The following ASTN2 variants were observed in gnomAD, a reference collection of about 807,000 sequenced individuals.
ASTN2 encodes astrotactin-2.
ASTN2 carries 54 observed loss-of-function variants against 139.8 expected under a neutral mutation model. That is an observed-to-expected ratio of 0.39 (90% CI 0.31 to 0.48). ASTN2 has a LOEUF of 0.48. Ranked by LOEUF, ASTN2 falls within the 20% of genes least tolerant of loss-of-function variation. ASTN2 has a pLI of 0.95. For synonymous variants in ASTN2, 756 were observed against 719.5 expected, an observed-to-expected ratio of 1.05 and a Z score of -0.81; for missense variants, 1,565 against 1,725.1, an observed-to-expected ratio of 0.91 and a Z score of 1.64.
At chr9:116,617,704 A>C (rs1295675047) in intron 19 of ASTN2, among the ~76,000 whole-genome samples, 1 of 152,236 alleles carries the variant, frequency 6.6e-6, no homozygotes, top group East Asian at 1.9e-4. Flanking sequence ...CTGGAAAATA[A>C]TTGCTGAATG....
At chr9:117,017,845 C>A (rs1215312124) in intron 6 of ASTN2, among the ~76,000 whole-genome samples, 1 of 151,824 alleles carries the variant, frequency 6.6e-6, no homozygotes, top group Non-Finnish European at 1.5e-5. Flanking sequence ...CACACTTGTA[C>A]ATACACATAA....
At chr9:117,225,704 T>C (rs1177795369) in intron 2 of ASTN2, among the ~76,000 whole-genome samples, 2 of 151,128 alleles carry the variant, frequency 1.3e-5, no homozygotes, top group Admixed American at 1.3e-4. Context: ...CTACCAGTAA[T>C]GGGACCTTGG....
intron 17 of ASTN2, among the ~76,000 whole-genome samples, chr9:116,640,521 C>T (rs570896616): frequency 2.0e-4 from 31 of 152,290 alleles, no homozygotes; most frequent in African/African-American, 7.2e-4. Flanking sequence ...GGGAAAAATA[C>T]ATTCCAACTA....
chr9:117,269,992 G>A (rs750166709), intron 2 of ASTN2, among the ~76,000 whole-genome samples: 7 of 152,100 alleles, frequency 4.6e-5, no homozygotes, highest in Non-Finnish European at 7.4e-5. Context: ...AAAGAAAGCC[G>A]TGGCTCAAAA....
At chr9:116,988,376 C>T (rs4144637) in intron 7 of ASTN2, among the ~76,000 whole-genome samples, 141,689 of 152,234 alleles carry the variant, frequency 0.93, 66,700 homozygotes, top group East Asian at 1. Context: ...GCTATGACTA[C>T]TATTAGGGAG....
chr9:116,959,065 A>T (rs945795229), intron 10 of ASTN2, among the ~76,000 whole-genome samples: 14 of 152,126 alleles, frequency 9.2e-5, no homozygotes, highest in Admixed American at 7.2e-4. Flanking sequence ...GGCAGTGAAG[A>T]TGGGGATCGG....
chr9:116,761,901 G>A (rs75670657), intron 13 of ASTN2, among the ~76,000 whole-genome samples: 2,164 of 152,276 alleles, frequency 0.014, 36 homozygotes, highest in Non-Finnish European at 0.019. Context: ...AGCTGTTGAG[G>A]ATTCCTGTCC....
chr9:116,572,857 A>G lies in ASTN2; in HGVS notation c.3355+45467T>C, dbSNP rs139810259. ...AATGTTTCTAGGGGATTTAACAGAA[A>G]GAGGTCAAAGGCACTCTTGTGAGAA... On this transcript the variant is annotated intron_variant, in intron 19 of 22. Coordinates refer to ENST00000313400, the MANE Select transcript of ASTN2 (RefSeq NM_001365068.1). 2.6e-3 allele frequency among the ~76,000 whole-genome samples: 401 copies of G among 152,332 alleles called. 1 individual carries two copies. Among genetic ancestry groups the G allele is most frequent in the African/African-American group, 9.1e-3 (379 of 41,570 alleles).
At chr9:116,953,362 G>T (rs891332143) in intron 10 of ASTN2, among the ~76,000 whole-genome samples, 1 of 152,134 alleles carries the variant, frequency 6.6e-6, no homozygotes, top group East Asian at 1.9e-4. Context: ...AATTGTTTTG[G>T]CTAGAGAGCA....
At chr9:116,788,961 A>G (rs1354947453) in intron 13 of ASTN2, among the ~76,000 whole-genome samples, 1 of 152,192 alleles carries the variant, frequency 6.6e-6, no homozygotes, top group East Asian at 1.9e-4. Context: ...ACAAAGCTGA[A>G]GCAAATTTAA....
At chr9:117,239,722 A>G (rs1833150401) in intron 2 of ASTN2, among the ~76,000 whole-genome samples, 1 of 152,170 alleles carries the variant, frequency 6.6e-6, no homozygotes, top group Admixed American at 6.6e-5. Flanking sequence ...TAAATCACAG[A>G]GCTCATAGGA....
intron 3 of ASTN2, among the ~76,000 whole-genome samples, chr9:117,178,878 C>G (rs1447165040): frequency 6.6e-6 from 1 of 152,232 alleles, no homozygotes; most frequent in Non-Finnish European, 1.5e-5. Flanking sequence ...GGCCCACCAC[C>G]ACAGACAGTG....
intron 20 of ASTN2, among the ~76,000 whole-genome samples, chr9:116,466,140 G>T (rs1373727860): frequency 6.6e-6 from 1 of 152,112 alleles, no homozygotes; most frequent in East Asian, 1.9e-4. Context: ...GTGGGAAGCG[G>T]GCTTTTGAAT....
chr9:116,425,769 C>T lies in ASTN2; in HGVS notation c.*82G>A, dbSNP rs1588045078. The T allele has an allele frequency of 1.2e-6, 2 of 1,606,038 alleles. No individual in the cohort carries two copies. Among genetic ancestry groups the T allele is most frequent in the East Asian group, 4.5e-5 (2 of 44,768 alleles). On this transcript the variant is annotated 3_prime_UTR_variant, in exon 23 of 23. Transcript: ENST00000313400. Reference sequence around the variant, plus strand: ...GGCCCATCCTCAGCTGTCCCCCAGCCCACCCAGGCCCCAGGATCCAGGAGA... The same window carrying T: ...GGCCCATCCTCAGCTGTCCCCCAGCTCACCCAGGCCCCAGGATCCAGGAGA...
At chr9:117,262,397 T>TGTTA (rs529825100) in intron 2 of ASTN2, among the ~76,000 whole-genome samples, 2 of 123,616 alleles carry the variant, frequency 1.6e-5, no homozygotes, top group East Asian at 4.9e-4. Context: ...CTGTTTCTTT[T>TGTTA]TTTATTTATT....
chr9:116,553,960 G>A (rs756916592), intron 19 of ASTN2, among the ~76,000 whole-genome samples: 17 of 152,242 alleles, frequency 1.1e-4, no homozygotes, highest in East Asian at 5.8e-4. Context: ...AGCATTGAAC[G>A]AATGAACGAA....
chr9:116,663,576 G>A (rs1045257741), intron 16 of ASTN2, among the ~76,000 whole-genome samples: 2 of 152,134 alleles, frequency 1.3e-5, no homozygotes, highest in African/African-American at 2.4e-5. Flanking sequence ...TTACTTCTCC[G>A]TTAGCTCCCC....
At chr9:117,249,501 C>T (rs929800860) in intron 2 of ASTN2, among the ~76,000 whole-genome samples, 4 of 152,078 alleles carry the variant, frequency 2.6e-5, no homozygotes, top group African/African-American at 7.2e-5. Flanking sequence ...TAGCAGAACC[C>T]TTTGTTCAAA....
chr9:117,222,798 G>A (rs2133040097), intron 2 of ASTN2, among the ~76,000 whole-genome samples: 1 of 152,080 alleles, frequency 6.6e-6, no homozygotes, highest in Middle Eastern at 3.4e-3. Context: ...AGGATCTTCA[G>A]CATTTCCTAC....
Sources: allele counts gnomAD v4.1 joint callset (sites outside exome capture counted in the v4.1 genomes callset), GRCh38; gene constraint gnomAD v4.1.1; transcripts MANE v1.5; gene names NCBI Gene and HGNC (gene_info 2026-07-23, HGNC 2026-07-21).